ULK4: variants seen among roughly 807,000 people sequenced by gnomAD.
ULK4 encodes the protein unc-51 like kinase 4.
ULK4 carries 133 observed loss-of-function variants against 160.6 expected under a neutral mutation model. That is an observed-to-expected ratio of 0.83 (90% confidence interval 0.72 to 0.96). The LOEUF (loss-of-function observed/expected upper bound fraction) is 0.96. Among genes scored for constraint, ULK4 ranks in the 40% least tolerant of loss-of-function variants. The probability of loss-of-function intolerance (pLI) is 0.00; values close to 1 mark genes in which losing one functional copy is unlikely to be tolerated. For synonymous variants in ULK4, 534 were observed against 539.8 expected, an observed-to-expected ratio of 0.99 and a Z score of 0.15; for missense variants, 1,580 against 1,499.5, an observed-to-expected ratio of 1.05 and a Z score of -0.89.
chr3:41,308,950 T>A (rs2079998243), intron 35 of ULK4, among the ~76,000 whole-genome samples: 1 of 152,108 alleles, frequency 6.6e-6, no homozygotes, highest in Admixed American at 6.5e-5. Context: ...GAATCCAACA[T>A]TCATTGAATA....
chr3:41,524,540 T>C lies in ULK4; in HGVS notation c.3226+41485A>G, dbSNP rs549276483. ...TGGCTGTCCTTGTTTTCCTCCAGTC[T>C]TTCCTCAATTCCACAGTACTCAGGA... On this transcript the variant is annotated intron_variant, in intron 32 of 36. Transcript: ENST00000301831. Among the ~76,000 whole-genome samples the C allele has an allele frequency of 2.8e-4, 43 of 152,276 alleles. 1 individual carries two copies. The South Asian group carries it at 8.9e-3, about 32-fold the overall frequency.
At chr3:41,798,739 G>C (rs570666659) in intron 20 of ULK4, among the ~76,000 whole-genome samples, 1 of 151,982 alleles carries the variant, frequency 6.6e-6, no homozygotes, top group Non-Finnish European at 1.5e-5. Flanking sequence ...AGCCAAGATT[G>C]TGCGTGTTGT....
intron 31 of ULK4, among the ~76,000 whole-genome samples, chr3:41,592,090 C>T (rs55922056): frequency 0.11 from 17,374 of 152,186 alleles, 1,547 homozygotes; most frequent in East Asian, 0.44. Context: ...AGGAAGCGGA[C>T]TGCTCCTGCA....
intron 19 of ULK4, among the ~76,000 whole-genome samples, chr3:41,806,025 T>C (rs1238020834): frequency 1.4e-5 from 2 of 144,506 alleles, no homozygotes; most frequent in African/African-American, 2.6e-5. Context: ...GATTCCCTCT[T>C]TTTCTATTGA....
In ULK4 at chr3:41,315,313, A is replaced by T. The variant is rs569752699; in HGVS notation, c.3679-65739T>A. On this transcript the variant is annotated intron_variant, in intron 35 of 36. Coordinates refer to ENST00000301831, the MANE Select transcript of ULK4 (RefSeq NM_017886.4). ...TCAGCTGTTTTCCTTGAAGTCACAG[A>T]CTTTGTTCATTTCTGAGAAAATGCC... Among the ~76,000 whole-genome samples the T allele has an allele frequency of 3.3e-5, 5 of 152,216 alleles. 1 individual carries two copies. In the South Asian group the frequency reaches 1.0e-3, roughly 32 times the overall value.
chr3:41,745,975 T>C lies in ULK4; in HGVS notation c.2321+8386A>G, dbSNP rs1348050777. Among the ~76,000 whole-genome samples the C allele has an allele frequency of 1.2e-4, 18 of 147,178 alleles. 1 individual carries two copies. The highest frequency in any genetic ancestry group is 2.0e-4 in the African/African-American group (8 of 39,740). On this transcript the variant is annotated intron_variant, in intron 22 of 36. Coordinates refer to ENST00000301831, the MANE Select transcript of ULK4 (RefSeq NM_017886.4). ...AGAGAAAAAAAAAACTCTAAGAAAA[T>C]TGGAGATAAAGAATAAGAATGAGAT... is the stretch of plus-strand genomic sequence containing the variant.
intron 32 of ULK4, among the ~76,000 whole-genome samples, chr3:41,521,557 G>C (rs893944162): frequency 8.5e-5 from 13 of 152,072 alleles, no homozygotes; most frequent in Non-Finnish European, 1.8e-4. Context: ...CTCTGCATAA[G>C]AATCTATTTG....
chr3:41,464,629 T>G lies in ULK4; in HGVS notation c.3227-1376A>C, dbSNP rs556358352. Among the ~76,000 whole-genome samples the G allele has an allele frequency of 5.3e-5, 8 of 152,342 alleles. No homozygotes were observed. The South Asian group carries it at 1.4e-3, about 28-fold the overall frequency. ...GCTATGAATCAGCACTTGGCATCTG[T>G]GAGCTGTAGATAGAAGGGCTTGAAA... On this transcript the variant is annotated intron_variant, in intron 32 of 36. Transcript: ENST00000301831.
intron 25 of ULK4, among the ~76,000 whole-genome samples, chr3:41,706,838 A>ATATATATAT: frequency 8.0e-6 from 1 of 125,286 alleles, no homozygotes; most frequent in Non-Finnish European, 1.5e-5. Context: ...AAAAAAAAAA[A>ATATATATAT]AAAAAAAAAT....
In ULK4 at chr3:41,736,473, G is replaced by A. The variant is rs559800009; in HGVS notation, c.2321+17888C>T. Among the ~76,000 whole-genome samples the A allele has an allele frequency of 3.3e-5, 5 of 151,956 alleles. No homozygotes were observed. In the South Asian group the frequency reaches 8.3e-4, roughly 25 times the overall value. On this transcript the variant is annotated intron_variant, in intron 22 of 36. Transcript: ENST00000301831. ...ATGAGCATTTTTTCATGTGTGTTTT[G>A]GCTGCATAAATGTCTTCTTTTGAGA...
intron 35 of ULK4, among the ~76,000 whole-genome samples, chr3:41,287,528 T>A (rs912451525): frequency 6.6e-6 from 1 of 152,190 alleles, no homozygotes; most frequent in Non-Finnish European, 1.5e-5. Flanking sequence ...AGGGCCCCCA[T>A]GGGATGAAAT....
At chr3:41,286,125 C>T (rs1225709057) in intron 35 of ULK4, among the ~76,000 whole-genome samples, 1 of 152,088 alleles carries the variant, frequency 6.6e-6, no homozygotes, top group Non-Finnish European at 1.5e-5. Context: ...GCTAATAGGC[C>T]AGGCTGAATG....
chr3:41,936,502 G>C (rs1699779815), intron 3 of ULK4, among the ~76,000 whole-genome samples: 1 of 152,042 alleles, frequency 6.6e-6, no homozygotes, highest in Non-Finnish European at 1.5e-5. Flanking sequence ...TTTTTAAAGG[G>C]TCAAGATTAC....
At chr3:41,858,159 T>TG (rs2042411226) in intron 17 of ULK4, among the ~76,000 whole-genome samples, 2 of 144,394 alleles carry the variant, frequency 1.4e-5, no homozygotes, top group African/African-American at 5.1e-5. Context: ...TTTTTTTTTT[T>TG]TTTTTTTTTT....
chr3:41,643,231 A>G (rs1177473539), intron 30 of ULK4, among the ~76,000 whole-genome samples: 3 of 151,964 alleles, frequency 2.0e-5, no homozygotes, highest in Admixed American at 6.6e-5. Context: ...TTTTGTTGCC[A>G]TTGCTTTTGG....
intron 35 of ULK4, among the ~76,000 whole-genome samples, chr3:41,342,253 C>A (rs1015070005): frequency 6.6e-6 from 1 of 152,166 alleles, no homozygotes; most frequent in Admixed American, 6.5e-5. Flanking sequence ...CCATGAGCCA[C>A]TTCACAGTTT....
intron 35 of ULK4, among the ~76,000 whole-genome samples, chr3:41,392,031 G>C (rs2081968485): frequency 6.6e-6 from 1 of 152,058 alleles, no homozygotes; most frequent in South Asian, 2.1e-4. Context: ...CAAATCTGTG[G>C]TGGTTCATGT....
At chr3:41,794,441 G>A (rs1442377744) in intron 20 of ULK4, among the ~76,000 whole-genome samples, 3 of 151,924 alleles carry the variant, frequency 2.0e-5, no homozygotes, top group East Asian at 1.9e-4. Context: ...AGACGTGGGT[G>A]GATCACATGG....
rs1332210355 is a variant in ULK4 at position 41,464,434 on chromosome 3, TAAAC to T, written c.3227-1185_3227-1182del. ...CAAAACTGAGTTTCAAGGCTGAAAA[TAAAC>T]AAACTTGAAAGTAGAATGAATTACC... On this transcript the variant is annotated intron_variant, in intron 32 of 36. Coordinates refer to ENST00000301831, the MANE Select transcript of ULK4 (RefSeq NM_017886.4). 8.5e-5 allele frequency among the ~76,000 whole-genome samples: 13 copies of T among 152,116 alleles called. No homozygotes were observed. In the Middle Eastern group the frequency reaches 0.01, roughly 119 times the overall value.
Sources: allele counts gnomAD v4.1 joint callset (sites outside exome capture counted in the v4.1 genomes callset), GRCh38; gene constraint gnomAD v4.1.1; transcripts MANE v1.5; gene names NCBI Gene and HGNC (gene_info 2026-07-23, HGNC 2026-07-21).